H3-3A: variants seen among roughly 807,000 people sequenced by gnomAD.
The protein encoded by H3-3A is histone H3.3.
For synonymous variants in H3-3A, 49 were observed against 61.4 expected (o/e 0.80, Z 0.95); for missense variants, 7 against 184.0 (o/e 0.04, Z 5.57).
intron 3 of H3-3A, among the ~76,000 whole-genome samples, chr1:226,070,101 A>G: frequency 6.6e-6 from 1 of 152,180 alleles, no homozygotes; most frequent in East Asian, 1.9e-4. Context: ...AGGGCAACAA[A>G]TGCTGTTACA....
At position 226,064,497 on chromosome 1, in the gene H3-3A, A is replaced by G; in HGVS notation, c.128+18A>G. 1 of 1,602,312 alleles carries G rather than the reference A, an allele frequency of 6.2e-7. No homozygotes were observed. Among genetic ancestry groups the G allele is most frequent in the Non-Finnish European group, 8.5e-7 (1 of 1,170,898 alleles). ...CGTTACAGGTATTAAAAAACAGGAA[A>G]AAAATGGGACAAAGTCTCTCTTGTA... is the stretch of plus-strand genomic sequence containing the variant. On this transcript the variant is annotated intron_variant, in intron 2 of 3. Transcript: ENST00000366815.
chr1:226,064,331 AAGT>A lies in H3-3A; in HGVS notation c.-19_-17del, dbSNP rs1558101205. ...TTTTGATTTTTCAATGCTGGTAGGT[AAGT>A]AAGGAGGTCTCTGTACCATGGCTCG... On this transcript the variant is annotated 5_prime_UTR_variant, in exon 2 of 4. Coordinates refer to ENST00000366815, the MANE Select transcript of H3-3A (RefSeq NM_002107.7). The A allele has an allele frequency of 6.2e-7, 1 of 1,604,606 alleles. No homozygotes were observed. Among genetic ancestry groups the A allele is most frequent in the African/African-American group, 1.3e-5 (1 of 74,582 alleles).
intron 3 of H3-3A, 23 bp downstream of exon 3, chr1:226,065,832 T>C: frequency 6.5e-7 from 1 of 1,550,298 alleles, no homozygotes; most frequent in Non-Finnish European, 8.8e-7. Context: ...GTGGGAAGAC[T>C]CAGAGTTTGT....
intron 2 of H3-3A, 71 bp downstream of exon 2, chr1:226,064,550 G>A: frequency 7.7e-7 from 1 of 1,303,778 alleles, no homozygotes; most frequent in Non-Finnish European, 1.1e-6. Context: ...ACAAAAAGAT[G>A]GATAACAGGA....
At chr1:226,063,525 A>T (rs934469384) in intron 1 of H3-3A, among the ~76,000 whole-genome samples, 1 of 151,862 alleles carries the variant, frequency 6.6e-6, no homozygotes, top group Non-Finnish European at 1.5e-5. Flanking sequence ...ACGTTTTGCG[A>T]TTGTTTCCAT....
chr1:226,068,233 G>T (rs114492204), intron 3 of H3-3A, among the ~76,000 whole-genome samples: 1 of 152,188 alleles, frequency 6.6e-6, no homozygotes, highest in Non-Finnish European at 1.5e-5. Flanking sequence ...GTCATGGTCA[G>T]ATCCTCTCGT....
At chr1:226,069,749 T>G (rs964333146) in intron 3 of H3-3A, among the ~76,000 whole-genome samples, 1 of 152,090 alleles carries the variant, frequency 6.6e-6, no homozygotes, top group Non-Finnish European at 1.5e-5. Context: ...GAGAATTGCC[T>G]GAGCTCGGGA....
chr1:226,070,161 C>T (rs1237717319), intron 3 of H3-3A, among the ~76,000 whole-genome samples: 1 of 152,076 alleles, frequency 6.6e-6, no homozygotes, highest in Non-Finnish European at 1.5e-5. Flanking sequence ...GGGCATGTTT[C>T]CGGGGCATAG....
In H3-3A at chr1:226,064,485, A is replaced by G. The variant is rs1160997619; in HGVS notation, c.128+6A>G. On this transcript the variant is annotated splice_donor_region_variant and intron_variant, in intron 2 of 3. Coordinates refer to ENST00000366815, the MANE Select transcript of H3-3A (RefSeq NM_002107.7). The stretch of plus-strand genomic sequence containing the variant: ...AAGAAACCTCATCGTTACAGGTATT[A>G]AAAAACAGGAAAAAAATGGGACAAA... The G allele has an allele frequency of 2.5e-6, 4 of 1,606,772 alleles. No individual in the cohort carries two copies. Among genetic ancestry groups the G allele is most frequent in the Admixed American group, 1.7e-5 (1 of 59,160 alleles).
intron 3 of H3-3A, among the ~76,000 whole-genome samples, chr1:226,068,591 TAAG>T (rs1015101655): frequency 1.3e-5 from 2 of 152,238 alleles, no homozygotes; most frequent in African/African-American, 2.4e-5. Flanking sequence ...TAGAATATCT[TAAG>T]AACGAATCTC....
chr1:226,065,633 GTTTC>G lies in H3-3A; in HGVS notation c.129-19_129-16del, dbSNP rs1056683881. 67 of 1,518,714 alleles carry G rather than the reference GTTTC, an allele frequency of 4.4e-5. No homozygotes were observed. The highest frequency in any genetic ancestry group is 5.5e-5 in the Non-Finnish European group (62 of 1,125,522). 94.1% of individuals were successfully genotyped at this position (1,518,714 alleles called of 1,614,324 possible). On this transcript the variant is annotated intron_variant, in intron 2 of 3. Transcript: ENST00000366815. ...TGTGCTAGTTATGTTTTTGGTAACA[GTTTC>G]TTTATTAATTTTTTAAAGGCCTGGT...
At chr1:226,069,888 C>T (rs1175811240) in intron 3 of H3-3A, among the ~76,000 whole-genome samples, 1 of 152,204 alleles carries the variant, frequency 6.6e-6, no homozygotes, top group Non-Finnish European at 1.5e-5. Context: ...AAAGATTCTT[C>T]AGCTTTTCAG....
intron 3 of H3-3A, 99 bp downstream of exon 3, chr1:226,065,908 CT>C: frequency 1.1e-6 from 1 of 908,100 alleles, no homozygotes; most frequent in Non-Finnish European, 1.8e-6. Context: ...AATCACAAGC[CT>C]GTCAGGTAGT....
At chr1:226,069,968 C>T (rs1371690260) in intron 3 of H3-3A, among the ~76,000 whole-genome samples, 1 of 152,104 alleles carries the variant, frequency 6.6e-6, no homozygotes, top group Non-Finnish European at 1.5e-5. Flanking sequence ...TTTTCCTCTT[C>T]ACAAGTTAAG....
chr1:226,065,510 G>A, intron 2 of H3-3A, 146 bp from the exon 3 acceptor site: 1 of 563,560 alleles, frequency 1.8e-6, no homozygotes, highest in East Asian at 2.8e-5. Flanking sequence ...CACATCTTAA[G>A]TTGATCAGTG....
chr1:226,064,608 C>T (rs916323708), intron 2 of H3-3A, 129 bp downstream of exon 2: 6 of 635,080 alleles, frequency 9.4e-6, no homozygotes, highest in African/African-American at 1.9e-5. Flanking sequence ...GAACACTTAA[C>T]TACTGCTTAA....
intron 1 of H3-3A, among the ~76,000 whole-genome samples, chr1:226,063,816 C>A (rs1038897544): frequency 6.6e-6 from 1 of 150,574 alleles, no homozygotes; most frequent in Non-Finnish European, 1.5e-5. Context: ...TTTCGAGACG[C>A]CTTTTTGTCA....
At chr1:226,071,109 A>G (rs1180190365) in intron 3 of H3-3A, among the ~76,000 whole-genome samples, 4 of 152,240 alleles carry the variant, frequency 2.6e-5, no homozygotes, top group Admixed American at 6.5e-5. Context: ...CCTAGTAACA[A>G]AGTAATTTGA....
upstream of H3-3A, chr1:226,062,627 C>A (rs573761150): frequency 6.8e-6 from 1 of 146,644 alleles, no homozygotes; most frequent in East Asian, 2.0e-4. Flanking sequence ...GGGGCGGGGC[C>A]GAGCCTTCCC....
Sources: gnomAD v4.1 joint callset for allele counts (sites outside exome capture counted in the v4.1 genomes callset) on GRCh38, gnomAD v4.1.1 for gene constraint, MANE v1.5 for transcripts, NCBI Gene and HGNC (gene_info 2026-07-23, HGNC 2026-07-21) for gene names.